Variants in LILRA4 observed in about 807,000 individuals in gnomAD.
The protein encoded by LILRA4 is leukocyte immunoglobulin like receptor A4, also known as leukocyte immunoglobulin-like receptor subfamily A member 4.
Under a neutral mutation model 49.5 loss-of-function variants are expected in LILRA4, and 51 were observed. The ratio of observed to expected loss-of-function variants is 1.03; its 90% CI spans 0.82 to 1.30. The LOEUF (loss-of-function observed/expected upper bound fraction) is 1.30, where lower values mean the gene tolerates loss of function less well. Ranked by LOEUF, LILRA4 falls within the 50% of genes most tolerant of loss-of-function variation. The pLI is 0.00. For missense variants in LILRA4, 624 were observed against 625.6 expected, an observed-to-expected ratio of 1.00 and a Z score of 0.03; for synonymous variants, 272 against 265.6, an observed-to-expected ratio of 1.02 and a Z score of -0.23.
In LILRA4 at chr19:54,336,906, C is replaced by A. The variant is rs750605218; in HGVS notation, c.1190G>T (p.Gly397Val). 1.7e-5 allele frequency: 27 copies of A among 1,614,114 alleles called. No homozygotes were observed. The highest frequency in any genetic ancestry group is 1.2e-4 in the South Asian group (11 of 91,094). The change falls in exon 6 of 8, where the codon GGC (glycine) becomes GTC (valine). Residue 397 changes from glycine to valine, a missense_variant. By Grantham distance (109) the Gly-to-Val change is moderately radical. Transcript: ENST00000291759. ...CAGGTAGGGGTTGGAGCTGCGTGAG[C>A]CGTAGCACCTGTAGGTCCCCGCGTG... ...SAHAGTYRCY[G>V]SRSSNPYLLS...
intron 6 of LILRA4, 98 bp downstream of exon 6, chr19:54,336,743 G>T: frequency 6.7e-7 from 1 of 1,501,386 alleles, no homozygotes; most frequent in Non-Finnish European, 9.0e-7. Flanking sequence ...AAGTGGGGCA[G>T]CAAGTGAGAC....
rs1255084324 is a variant in LILRA4, at chr19:54,337,706, A to T, written c.656-10T>A. The stretch of plus-strand genomic sequence containing the variant: ...GGCTTCCTAGACACGCCTGGAGGGA[A>T]AGATGAGTTGGGACTCGGAGCGGCT... On this transcript the variant is annotated splice_polypyrimidine_tract_variant and intron_variant, in intron 4 of 7. Coordinates refer to ENST00000291759, the MANE Select transcript of LILRA4 (RefSeq NM_012276.5). 1 of 1,610,414 alleles carries T rather than the reference A, an allele frequency of 6.2e-7. No homozygotes were observed. Among genetic ancestry groups the T allele is most frequent in the South Asian group, 1.1e-5 (1 of 90,780 alleles).
intron 1 of LILRA4, 54 bp downstream of exon 1, chr19:54,339,006 G>C: frequency 6.2e-7 from 1 of 1,612,506 alleles, no homozygotes; most frequent in Admixed American, 1.7e-5. Flanking sequence ...CATGGCTATG[G>C]ATTGGGGTCT....
In LILRA4 at chr19:54,339,129, G is replaced by C; in HGVS notation, c.-36C>G. On this transcript the variant is annotated 5_prime_UTR_variant, in exon 1 of 8. Coordinates refer to ENST00000291759, the MANE Select transcript of LILRA4 (RefSeq NM_012276.5). Reference sequence around the variant, plus strand: ...CCTCCTGGCCCTGGCTGTGCAGGCAGGTGTGGCCACGGTGCCCGTAGACAC... The same window carrying C: ...CCTCCTGGCCCTGGCTGTGCAGGCACGTGTGGCCACGGTGCCCGTAGACAC... The C allele has an allele frequency of 6.2e-7, 1 of 1,613,968 alleles. No homozygotes were observed. The highest frequency in any genetic ancestry group is 8.5e-7 in the Non-Finnish European group (1 of 1,179,824).
In LILRA4 at chr19:54,338,166, C is replaced by A. The variant is rs753386802; in HGVS notation, c.425G>T (p.Arg142Leu). Reference protein sequence around the residue: ...VVTSGVNVTLRCASRLGLGRF... With the variant: ...VVTSGVNVTLLCASRLGLGRF... ...GCCCAGTCCCAGCCGTGAGGCACAC[C>A]GGAGGGTCACGTTCACTCCTGAGGT... Residue 142 changes from arginine to leucine, a missense_variant, in exon 4 of 8, where the codon CGG becomes CTG. Physicochemically the swap from Arg to Leu is moderately radical, Grantham distance 102. Transcript: ENST00000291759. 1 of 1,613,966 alleles carries A rather than the reference C, an allele frequency of 6.2e-7. No homozygotes were observed. Among genetic ancestry groups the A allele is most frequent in the South Asian group, 1.1e-5 (1 of 91,080 alleles).
intron 6 of LILRA4, chr19:54,336,407 C>T: frequency 2.8e-5 from 6 of 216,630 alleles, no homozygotes; most frequent in South Asian, 1.0e-4. Flanking sequence ...GCAGGTGGGG[C>T]CTCCGTCTTC....
Position 54,337,386 on chromosome 19 carries a change from G to C in LILRA4, c.952+14C>G. ...AGCCTGGGTCCCCCTGACTGAACCCGCTGGGCTCCTCACCTGCGATCAGGA... is the reference window on the plus strand; with the variant it reads ...AGCCTGGGTCCCCCTGACTGAACCCCCTGGGCTCCTCACCTGCGATCAGGA... On this transcript the variant is annotated intron_variant, in intron 5 of 7. Coordinates refer to ENST00000291759, the MANE Select transcript of LILRA4 (RefSeq NM_012276.5). 1 of 1,610,340 alleles carries C rather than the reference G, an allele frequency of 6.2e-7. No homozygotes were observed. Among genetic ancestry groups the C allele is most frequent in the Non-Finnish European group, 8.5e-7 (1 of 1,179,328 alleles).
intron 6 of LILRA4, chr19:54,336,569 G>A (rs556182723): frequency 7.5e-5 from 44 of 589,422 alleles, no homozygotes; most frequent in Admixed American, 1.3e-4. Flanking sequence ...CCTTCCCCTC[G>A]GTGGGAGGTT....
chr19:54,338,830 GGA>G lies in LILRA4; in HGVS notation c.70+34_70+35del, dbSNP rs780830862. The G allele has an allele frequency of 2.1e-5, 34 of 1,613,652 alleles. 1 individual carries two copies. In the South Asian group the frequency reaches 3.7e-4, roughly 18 times the overall value. On this transcript the variant is annotated intron_variant, in intron 2 of 7. Transcript: ENST00000291759. ...AGGGGTGGTCCCTTGTCCCCAGAGA[GGA>G]GGAGGGACCTAGGACAGCTGGGGAC...
chr19:54,337,400 C>G lies in LILRA4; in HGVS notation c.952G>C (p.Gly318Arg), dbSNP rs145702319. The change falls in exon 5 of 8, where the codon GGA becomes CGA. Residue 318 changes from glycine to arginine, a missense_variant and splice_region_variant. Gly to Arg is a moderately radical substitution (Grantham distance 125, BLOSUM62 -2). Transcript: ENST00000291759. The part of the protein sequence containing the change: ...PSDPLDILIA[G>R]QISDRPSLSV... ...TGACTGAACCCGCTGGGCTCCTCAC[C>G]TGCGATCAGGATATCCAGGGGGTCA... 1.2e-6 allele frequency: 2 copies of G among 1,611,256 alleles called. No homozygotes were observed. Among genetic ancestry groups the G allele is most frequent in the Non-Finnish European group, 1.7e-6 (2 of 1,179,712 alleles).
chr19:54,335,331 T>G (rs923084010), intron 6 of LILRA4: 2 of 152,428 alleles, frequency 1.3e-5, no homozygotes, highest in African/African-American at 4.8e-5. Flanking sequence ...CTTCTCTGTC[T>G]TCCTCCTATT....
At position 54,337,205 on chromosome 19, in the gene LILRA4, C is replaced by A. The variant is rs1001091800; in HGVS notation, c.953-62G>T. The A allele has an allele frequency of 3.3e-5, 51 of 1,540,988 alleles. No homozygotes were observed. In the African/African-American group the frequency reaches 6.7e-4, roughly 20 times the overall value. Reference sequence around the variant, plus strand: ...CTTGTTCTGAGCTGAGACCTCCCCACCAGTCCTCTCCCTGGGACCCTCAGT... The same window carrying A: ...CTTGTTCTGAGCTGAGACCTCCCCAACAGTCCTCTCCCTGGGACCCTCAGT... On this transcript the variant is annotated intron_variant, in intron 5 of 7. Transcript: ENST00000291759.
chr19:54,337,979 G>T lies in LILRA4; in HGVS notation c.612C>A (p.Tyr204Ter), dbSNP rs149766788. The T allele has an allele frequency of 5.5e-5, 89 of 1,613,644 alleles. No homozygotes were observed. In the African/African-American group the frequency reaches 1.1e-3, roughly 21 times the overall value. Residue 204 changes from tyrosine to a stop codon, truncating the protein, a stop_gained, in exon 4 of 8, where the codon TAC (tyrosine) becomes TAA (stop). Coordinates refer to ENST00000291759, the MANE Select transcript of LILRA4 (RefSeq NM_012276.5). LOFTEE classifies it high-confidence loss of function. ...GGGGGTCACTGGGTTCCGACCACAC[G>T]TATGGGGTGTTGTTTTCATAGCCGT... Reference protein sequence around the residue: ...RCYGYENNTPYVWSEPSDPLQ... With the variant: ...RCYGYENNTP
intron 1 of LILRA4, 79 bp from the exon 2 acceptor site, chr19:54,338,980 C>T: frequency 1.2e-6 from 2 of 1,612,474 alleles, no homozygotes; most frequent in South Asian, 2.2e-5. Context: ...CCCTGGGATG[C>T]CCTAATTGAC....
In LILRA4 at chr19:54,338,324, C is replaced by T. The variant is rs1027871356; in HGVS notation, c.355+72G>A. On this transcript the variant is annotated intron_variant, in intron 3 of 7. Transcript: ENST00000291759. ...AGGCTGGGCTGTGAGAAGGGAGACC[C>T]CTCGAGAGCTGAGAGCCGACCCCCT... is the stretch of plus-strand genomic sequence containing the variant. The T allele has an allele frequency of 3.7e-6, 6 of 1,600,252 alleles. No homozygotes were observed. The Admixed American group carries it at 5.1e-5, about 14-fold the overall frequency.
At chr19:54,339,013 G>T (rs762176155) in intron 1 of LILRA4, 47 bp downstream of exon 1, 8 of 1,612,930 alleles carry the variant, frequency 5.0e-6, no homozygotes, top group Non-Finnish European at 6.8e-6. Context: ...ATGGATTGGG[G>T]TCTCTCTCCT....
rs145556773 is a variant in LILRA4 at position 54,337,555 on chromosome 19, C to T, written c.797G>A (p.Arg266His). 7,690 of 1,613,416 alleles carry T rather than the reference C, an allele frequency of 4.8e-3. 26 individuals carry two copies. Among genetic ancestry groups the T allele is most frequent in the Middle Eastern group, 7.9e-3 (45 of 5,682 alleles). The change falls in exon 5 of 8, where the codon CGC becomes CAC. Residue 266 changes from arginine to histidine, a missense_variant. Coordinates refer to ENST00000291759, the MANE Select transcript of LILRA4 (RefSeq NM_012276.5). The part of the protein sequence containing the change: ...YKEGADGLPQ[R>H]PGRQPQAGLS... ...CCCAGCCTGGGGCTGCCGGCCAGGG[C>T]GCTGGGGGAGGCCATCGGCCCCCTC...
rs751874058 is a variant in LILRA4 at position 54,337,574 on chromosome 19, C to A, written c.778G>T (p.Ala260Ser). 25 of 1,613,436 alleles carry A rather than the reference C, an allele frequency of 1.5e-5. No homozygotes were observed. The highest frequency in any genetic ancestry group is 1.0e-5 in the Non-Finnish European group (12 of 1,179,924). The change falls in exon 5 of 8, where the codon GCC (alanine) becomes TCC (serine). Residue 260 changes from alanine (A) to serine (S), a missense_variant. Ala to Ser is a moderately conservative substitution (Grantham distance 99, BLOSUM62 1). Coordinates refer to ENST00000291759, the MANE Select transcript of LILRA4 (RefSeq NM_012276.5). ...YIRYTLYKEG[A>S]DGLPQRPGRQ... ...CCAGGGCGCTGGGGGAGGCCATCGGCCCCCTCCTTGTACAGAGTGTATCTG... is the reference window on the plus strand; with the variant it reads ...CCAGGGCGCTGGGGGAGGCCATCGGACCCCTCCTTGTACAGAGTGTATCTG...
In LILRA4 at chr19:54,336,850, C is replaced by T. The variant is rs141881690; in HGVS notation, c.1246G>A (p.Val416Met). The T allele has an allele frequency of 8.9e-4, 1,378 of 1,542,410 alleles. No individual in the cohort carries two copies. Among genetic ancestry groups the T allele is most frequent in the South Asian group, 1.7e-3 (146 of 85,732 alleles). Residue 416 changes from valine (V) to methionine (M), a missense_variant, in exon 6 of 8, where the codon GTG becomes ATG. Val to Met is a conservative substitution (Grantham distance 21). Transcript: ENST00000291759. ...GGGTCAGCGCCCTCACCTGAGACCA[C>T]GAGCTCCAGGGGCTCACTGGGGTGA... Reference protein sequence around the residue: ...LSHPSEPLELVVSGATETLNP... With the variant: ...LSHPSEPLELMVSGATETLNP...
Sources: gnomAD v4.1 joint callset for allele counts on GRCh38, gnomAD v4.1.1 for gene constraint, MANE v1.5 for transcripts, NCBI Gene and HGNC (gene_info 2026-07-23, HGNC 2026-07-21) for gene names.